The following AKAP9 variants were observed in gnomAD, a reference collection of about 807,000 sequenced individuals.
AKAP9 encodes the protein A-kinase anchoring protein 9.
In AKAP9, 311 loss-of-function variants were observed where a neutral mutation model predicts 488.5. The ratio of observed to expected loss-of-function variants is 0.64; its 90% confidence interval spans 0.58 to 0.70. AKAP9 has a LOEUF of 0.70. AKAP9 is among the 30% of genes least tolerant of loss of function. The pLI, the probability that AKAP9 is intolerant of heterozygous loss-of-function variation, is 0.00. For missense variants in AKAP9, 4,215 were observed against 4,374.5 expected, an observed-to-expected ratio of 0.96 and a Z score of 1.03; for synonymous variants, 1,462 against 1,483.5, an observed-to-expected ratio of 0.99 and a Z score of 0.33.
In AKAP9 at chr7:92,001,453, C is replaced by A; in HGVS notation, c.1536C>A (p.Leu512=). The change falls in exon 8 of 50, where the codon CTC becomes CTA. Residue 512 remains leucine (L), a synonymous_variant. Coordinates refer to ENST00000356239, the MANE Select transcript of AKAP9 (RefSeq NM_005751.5). ...ATACTAACTCTCAAAAGGAAAAACT[C>A]AAGGAAGAACTAGGACTAATTTTAG... ...LQDTNSQKEK[L]KEELGLILEE... 6.2e-7 allele frequency: 1 copy of A among 1,613,768 alleles called. No individual in the cohort carries two copies. The highest frequency in any genetic ancestry group is 1.3e-5 in the African/African-American group (1 of 75,020).
Position 92,001,655 on chromosome 7 carries a change from G to C in AKAP9, c.1738G>C (p.Glu580Gln). ...DLKAEIVSAS[E>Q]SRKELELKHE... ...GAAAGCTGAGATTGTTTCTGCATCT[G>C]AATCCAGAAAGGAACTAGAATTAAA... is the stretch of plus-strand genomic sequence containing the variant. The change falls in exon 8 of 50, where the codon GAA becomes CAA. Residue 580 changes from glutamate (E) to glutamine (Q), a missense_variant. Transcript: ENST00000356239. 3.1e-6 allele frequency: 5 copies of C among 1,612,816 alleles called. No individual in the cohort carries two copies. Among genetic ancestry groups the C allele is most frequent in the Non-Finnish European group, 4.2e-6 (5 of 1,179,358 alleles).
At chr7:91,998,541 G>A (rs1442143355) in intron 7 of AKAP9, among the ~76,000 whole-genome samples, 1 of 144,932 alleles carries the variant, frequency 6.9e-6, no homozygotes, top group Non-Finnish European at 1.5e-5. Flanking sequence ...GTTGTTTAAC[G>A]GTTGAAAGAA....
intron 43 of AKAP9, among the ~76,000 whole-genome samples, chr7:92,098,672 T>A (rs1284578110): frequency 6.6e-6 from 1 of 152,230 alleles, no homozygotes; most frequent in East Asian, 1.9e-4. Flanking sequence ...TTTCTTCTGC[T>A]TCTTTCATCA....
intron 1 of AKAP9, among the ~76,000 whole-genome samples, chr7:91,968,822 CT>C (rs1794723969): frequency 1.3e-5 from 2 of 152,184 alleles, no homozygotes; most frequent in African/African-American, 4.8e-5. Flanking sequence ...AAAATTTTCT[CT>C]TTTAATTTCA....
chr7:91,999,574 A>C (rs1294508423), intron 7 of AKAP9, among the ~76,000 whole-genome samples: 1 of 152,214 alleles, frequency 6.6e-6, no homozygotes, highest in Non-Finnish European at 1.5e-5. Context: ...TTAGAAAGTT[A>C]TTTAGTGACC....
At chr7:91,984,946 G>A (rs966358953) in intron 3 of AKAP9, among the ~76,000 whole-genome samples, 1 of 152,132 alleles carries the variant, frequency 6.6e-6, no homozygotes, top group Non-Finnish European at 1.5e-5. Flanking sequence ...TGTTAATGGT[G>A]TATAGGAATG....
At chr7:92,087,257 C>T (rs925939879) in intron 37 of AKAP9, among the ~76,000 whole-genome samples, 4 of 152,090 alleles carry the variant, frequency 2.6e-5, no homozygotes, top group African/African-American at 4.8e-5. Context: ...ACGAAGAAGA[C>T]GACGTCAATA....
intron 22 of AKAP9, among the ~76,000 whole-genome samples, chr7:92,060,977 A>C (rs1185145864): frequency 6.6e-6 from 1 of 152,194 alleles, no homozygotes; most frequent in East Asian, 1.9e-4. Context: ...GATAAAGTAC[A>C]CAGCCATTGA....
rs75890871 is a variant in AKAP9, at chr7:92,089,317, T to A, written c.9214-68T>A. ...TGTGTTCCATTCATTCTTCTTTAGA[T>A]TTCTTGGTTGTTAATTGTATTGCCT... is the stretch of plus-strand genomic sequence containing the variant. On this transcript the variant is annotated intron_variant, in intron 37 of 49. Coordinates refer to ENST00000356239, the MANE Select transcript of AKAP9 (RefSeq NM_005751.5). The A allele has an allele frequency of 1.9e-3, 2,930 of 1,560,182 alleles. 44 individuals are homozygous for A. The African/African-American group carries it at 0.035, about 19-fold the overall frequency.
intron 2 of AKAP9, among the ~76,000 whole-genome samples, chr7:91,976,083 C>A (rs1036559664): frequency 6.6e-6 from 1 of 151,714 alleles, no homozygotes; most frequent in Non-Finnish European, 1.5e-5. Context: ...CCATCACGCC[C>A]AACTAATTTT....
At chr7:92,061,610 ATATATAT>A (rs1809835094) in intron 23 of AKAP9, among the ~76,000 whole-genome samples, 188 bp downstream of exon 23, 1 of 142,738 alleles carries the variant, frequency 7.0e-6, no homozygotes, top group African/African-American at 2.6e-5. Context: ...ATATATATAT[ATATATAT>A]ATAAAATTAT....
rs563932723 is a variant in AKAP9 at position 92,056,641 on chromosome 7, A to G, written c.5601+3683A>G. 2.6e-5 allele frequency among the ~76,000 whole-genome samples: 4 copies of G among 151,972 alleles called. No homozygotes were observed. The South Asian group carries it at 8.3e-4, about 32-fold the overall frequency. ...GCCTAGTCCAGACTTGTAAGAGGCA[A>G]CTGCCCCTCCACAGCTACAAGCCAT... On this transcript the variant is annotated intron_variant, in intron 22 of 49. Transcript: ENST00000356239.
chr7:92,088,476 T>C (rs1814982565), intron 37 of AKAP9, among the ~76,000 whole-genome samples: 2 of 152,194 alleles, frequency 1.3e-5, no homozygotes, highest in South Asian at 4.1e-4. Flanking sequence ...GGACAAAATG[T>C]GGTACATCCA....
At chr7:92,021,806 A>G (rs1202233238) in intron 12 of AKAP9, among the ~76,000 whole-genome samples, 1 of 152,222 alleles carries the variant, frequency 6.6e-6, no homozygotes, top group Non-Finnish European at 1.5e-5. Context: ...ACAGAGCACC[A>G]TACCATTTGT....
At chr7:92,069,699 G>C (rs1055942801) in intron 26 of AKAP9, among the ~76,000 whole-genome samples, 1 of 152,082 alleles carries the variant, frequency 6.6e-6, no homozygotes. Context: ...TTTCCTTTGA[G>C]CATGATGTCA....
At chr7:92,076,831 C>T in intron 28 of AKAP9, 24 bp from the exon 29 acceptor site, 1 of 1,337,584 alleles carries the variant, frequency 7.5e-7, no homozygotes, top group Non-Finnish European at 1.0e-6. Flanking sequence ...CATTTTTTCT[C>T]TTTTGATAAT....
chr7:92,013,185 G>A (rs966657109), intron 9 of AKAP9, among the ~76,000 whole-genome samples: 2 of 150,978 alleles, frequency 1.3e-5, no homozygotes, highest in African/African-American at 4.9e-5. Context: ...TAGAGACGGG[G>A]TTTCACCGTT....
rs1284895808 is a variant in AKAP9 at position 92,022,925 on chromosome 7, A to C, written c.4064A>C (p.Lys1355Thr). The change falls in exon 14 of 50, where the codon AAA becomes ACA. Residue 1355 changes from lysine to threonine, a missense_variant. Physicochemically the swap from Lys to Thr is moderately conservative, Grantham distance 78 (BLOSUM62 -1). Coordinates refer to ENST00000356239, the MANE Select transcript of AKAP9 (RefSeq NM_005751.5). ...ATATCCTCTTTGCAGCAACAGTTGA[A>C]AGAAACTGAACAAAACTATGAGGCA... is the stretch of plus-strand genomic sequence containing the variant. ...SLISSLQQQL[K>T]ETEQNYEAEI... 3 of 1,614,064 alleles carry C rather than the reference A, an allele frequency of 1.9e-6. No homozygotes were observed. The highest frequency in any genetic ancestry group is 2.5e-6 in the Non-Finnish European group (3 of 1,179,936).
chr7:92,001,884 A>C lies in AKAP9; in HGVS notation c.1967A>C (p.Lys656Thr). 1 of 1,613,016 alleles carries C rather than the reference A, an allele frequency of 6.2e-7. No homozygotes were observed. The highest frequency in any genetic ancestry group is 8.5e-7 in the Non-Finnish European group (1 of 1,179,260). ...CATCGAATAAATATTGAAAAACTTA[A>C]AGATAATTTAGGCATTCACTATAAA... is the stretch of plus-strand genomic sequence containing the variant. ...IEHRINIEKLKDNLGIHYKQQ... is the reference protein window; with the variant it reads ...IEHRINIEKLTDNLGIHYKQQ... Residue 656 changes from lysine to threonine, a missense_variant, in exon 8 of 50, where the codon AAA (lysine) becomes ACA (threonine). By Grantham distance (78) the Lys-to-Thr change is moderately conservative (BLOSUM62 -1). Around this residue, in one of 5 missense-constraint regions of AKAP9, gnomAD observed 2,361 missense variants for 2,430.0 expected, o/e 0.97. Transcript: ENST00000356239.
Sources: allele counts gnomAD v4.1 joint callset (sites outside exome capture counted in the v4.1 genomes callset), GRCh38; gene constraint gnomAD v4.1.1; regional missense constraint gnomAD v4.1.1; transcripts MANE v1.5; gene names NCBI Gene and HGNC (gene_info 2026-07-23, HGNC 2026-07-21).